Variants in MGST1 observed in about 807,000 individuals in gnomAD.
MGST1 encodes the protein glutathione S-transferase 12.
MGST1 carries 5 observed loss-of-function variants against 8.9 expected under a neutral mutation model. The ratio of observed to expected loss-of-function variants is 0.56; its 90% CI spans 0.29 to 1.19. The LOEUF is 1.19. Among genes scored for constraint, MGST1 ranks in the 50% most tolerant of loss-of-function variants. The probability of loss-of-function intolerance (pLI) is 0.08; values close to 1 mark genes in which losing one functional copy is unlikely to be tolerated. For missense variants in MGST1, 182 were observed against 187.4 expected, an observed-to-expected ratio of 0.97 and a Z score of 0.17; for synonymous variants, 54 against 67.8, an observed-to-expected ratio of 0.80 and a Z score of 1.00.
intron 4 of MGST1, among the ~76,000 whole-genome samples, chr12:16,457,931 C>A (rs570694773): frequency 1.4e-4 from 21 of 152,028 alleles, no homozygotes; most frequent in African/African-American, 4.6e-4. Flanking sequence ...GAAGGCAATT[C>A]TGTTTAATTG....
intron 4 of MGST1, among the ~76,000 whole-genome samples, chr12:16,563,082 GT>G (rs1942458691): frequency 6.6e-6 from 1 of 151,838 alleles, no homozygotes; most frequent in African/African-American, 2.4e-5. Context: ...GGCTCCATCA[GT>G]TTCCATCTAC....
At chr12:16,420,506 G>A (rs1940826075) in intron 1 of MGST1, among the ~76,000 whole-genome samples, 1 of 152,160 alleles carries the variant, frequency 6.6e-6, no homozygotes, top group Admixed American at 6.5e-5. Context: ...TTCCATGCAG[G>A]AGGTTTATTG....
In MGST1 at chr12:16,513,602, A is replaced by G. The variant is rs1413170071; in HGVS notation, n.483-75926A>G. ...GGAGTTAGTGCCTACAGGGACCACAACGGAAAGCCTTACAGCATCCACAAG... is the reference window on the plus strand; with the variant it reads ...GGAGTTAGTGCCTACAGGGACCACAGCGGAAAGCCTTACAGCATCCACAAG... On this transcript the variant is annotated intron_variant and non_coding_transcript_variant, in intron 4 of 4. Transcript: ENST00000538857. The surrounding 1 kb of genome is among the most constrained non-coding windows in gnomAD (Gnocchi z 4.2). The G allele has an allele frequency of 2.0e-6, 1 of 494,408 alleles. No homozygotes were observed. The allele number at this position is 494,408 out of a possible 1,614,324, so 30.6% of individuals were successfully genotyped here.
In MGST1 at chr12:16,517,222, G is replaced by A. The variant is rs916817151; in HGVS notation, n.483-72306G>A. Among the ~76,000 whole-genome samples, 1 of 152,186 alleles carries A rather than the reference G, an allele frequency of 6.6e-6. No individual in the cohort carries two copies. Among genetic ancestry groups the A allele is most frequent in the Non-Finnish European group, 1.5e-5 (1 of 68,030 alleles). On this transcript the variant is annotated intron_variant and non_coding_transcript_variant, in intron 4 of 4. Transcript: ENST00000538857. The surrounding 1 kb of genome is among the most constrained non-coding windows in gnomAD (Gnocchi z 4.2). ...AATGAAAGACTCTTAGAAGGCAGGT[G>A]CTATGATTTGAATGTGTCCCTCCAA... is the stretch of plus-strand genomic sequence containing the variant.
chr12:16,446,470 G>A (rs765191268), intron 4 of MGST1, among the ~76,000 whole-genome samples: 1 of 151,604 alleles, frequency 6.6e-6, no homozygotes, highest in Non-Finnish European at 1.5e-5. Flanking sequence ...ATTTTTTTTG[G>A]TTATATAATT....
rs971433206 is a variant in MGST1 at position 16,500,099 on chromosome 12, A to T, written n.483-89429A>T. 1.3e-5 allele frequency among the ~76,000 whole-genome samples: 2 copies of T among 152,172 alleles called. No individual in the cohort carries two copies. Among genetic ancestry groups the T allele is most frequent in the Admixed American group, 6.5e-5 (1 of 15,268 alleles). On this transcript the variant is annotated intron_variant and non_coding_transcript_variant, in intron 4 of 4. Transcript: ENST00000538857. This position sits in a 1 kb window ranked among gnomAD's most constrained non-coding sequence, Gnocchi z 4.3. ...AAACTTTAGATATTTGTCAACAATT[A>T]ATTATTTCTTAAAGATTATACTGTT...
chr12:16,417,880 G>C (rs1258672065), intron 1 of MGST1, among the ~76,000 whole-genome samples: 1 of 152,118 alleles, frequency 6.6e-6, no homozygotes, highest in East Asian at 1.9e-4. Flanking sequence ...TACAAAAGCA[G>C]TAAAGCAAGT....
chr12:16,390,181 T>G (rs1291376587), intron 1 of MGST1, among the ~76,000 whole-genome samples: 1 of 151,584 alleles, frequency 6.6e-6, no homozygotes, highest in Non-Finnish European at 1.5e-5. Flanking sequence ...CCTTATGTAA[T>G]TTGAGGGCAC....
At chr12:16,424,323 A>G (rs1940866646) in intron 1 of MGST1, among the ~76,000 whole-genome samples, 1 of 152,218 alleles carries the variant, frequency 6.6e-6, no homozygotes. Context: ...TTTGGAAGAA[A>G]CAGACAATAT....
intron 1 of MGST1, chr12:16,402,116 G>A: frequency 6.6e-7 from 1 of 1,517,632 alleles, no homozygotes; most frequent in African/African-American, 1.4e-5. Context: ...GCAGTCTGAT[G>A]GCAGGGGCTC....
intron 1 of MGST1, among the ~76,000 whole-genome samples, chr12:16,408,030 C>CAAAAAAAAAAAAAAAAAAAA (rs200073692): frequency 9.1e-5 from 4 of 44,100 alleles, no homozygotes; most frequent in South Asian, 1.0e-3. Context: ...GACTCTGTCT[C>CAAAAAAAAAAAAAAAAAAAA]AAAAAAAAAA....
downstream of MGST1, among the ~76,000 whole-genome samples, chr12:16,378,287 A>G (rs1940411576): frequency 6.6e-6 from 1 of 151,970 alleles, no homozygotes; most frequent in African/African-American, 2.4e-5. Flanking sequence ...TAGGTCTAAC[A>G]TGTAAGTCTT....
intron 4 of MGST1, among the ~76,000 whole-genome samples, chr12:16,565,210 T>C (rs188038058): frequency 1.9e-3 from 282 of 152,316 alleles, no homozygotes; most frequent in South Asian, 5.0e-3. Flanking sequence ...GACTATGAAA[T>C]TGCAATCAAT....
chr12:16,457,884 A>G (rs1035829409), intron 4 of MGST1, among the ~76,000 whole-genome samples: 1 of 151,998 alleles, frequency 6.6e-6, no homozygotes, highest in African/African-American at 2.4e-5. Context: ...CTTTGAAACA[A>G]TGTGCTGCTT....
intron 1 of MGST1, among the ~76,000 whole-genome samples, chr12:16,395,804 T>TATATATATATATATATATATATATAC (rs1338860243): frequency 1.1e-4 from 14 of 123,742 alleles, no homozygotes; most frequent in East Asian, 8.6e-4. Context: ...TATATATATA[T>TATATATATATATATATATATATATAC]ACACACACAC....
At chr12:16,514,289 T>A in intron 4 of MGST1, 1 of 298,498 alleles carries the variant, frequency 3.4e-6, no homozygotes, top group South Asian at 3.3e-5. Context: ...GCCAAGAGGG[T>A]AGAGTCACAT....
At chr12:16,357,852 T>G (rs574353216) in intron 3 of MGST1, among the ~76,000 whole-genome samples, 153 bp downstream of exon 3, 11,752 of 152,256 alleles carry the variant, frequency 0.077, 569 homozygotes, top group East Asian at 0.23. Context: ...ATGTCTGAAA[T>G]TGACACACTG....
At chr12:16,475,618 G>A (rs1030954417) in intron 4 of MGST1, among the ~76,000 whole-genome samples, 1 of 152,182 alleles carries the variant, frequency 6.6e-6, no homozygotes, top group African/African-American at 2.4e-5. Flanking sequence ...TAAGAGAGGA[G>A]TGGAGTAGAT....
At chr12:16,504,266 G>A (rs955832934) in intron 4 of MGST1, among the ~76,000 whole-genome samples, 3 of 151,564 alleles carry the variant, frequency 2.0e-5, no homozygotes, top group East Asian at 1.9e-4. Context: ...TTAGTAAAAT[G>A]TCACCCAGAT....
Sources: gnomAD v4.1 joint callset for allele counts (sites outside exome capture counted in the v4.1 genomes callset) on GRCh38, gnomAD v4.1.1 for gene constraint, Gnocchi (gnomAD v3.1) non-coding constraint, MANE v1.5 for transcripts, NCBI Gene and HGNC (gene_info 2026-07-23, HGNC 2026-07-21) for gene names.